The following TEAD1 variants were observed in gnomAD, a reference collection of about 807,000 sequenced individuals.
TEAD1 encodes TEA domain transcription factor 1, also known as transcriptional enhancer factor TEF-1.
In TEAD1, 9 loss-of-function variants were observed where a neutral mutation model predicts 54.9. That is an observed-to-expected ratio of 0.16 (90% CI 0.10 to 0.29). The LOEUF is 0.29. Ranked by LOEUF, TEAD1 falls within the 10% of genes least tolerant of loss-of-function variation. The pLI, the probability that TEAD1 is intolerant of heterozygous loss-of-function variation, is 1.00. For missense variants in TEAD1, 387 were observed against 535.9 expected (o/e 0.72, Z 2.74); for synonymous variants, 200 against 187.8 (o/e 1.07, Z -0.53).
At chr11:12,752,408 C>T (rs1185960782) in intron 2 of TEAD1, among the ~76,000 whole-genome samples, 1 of 152,124 alleles carries the variant, frequency 6.6e-6, no homozygotes, top group African/African-American at 2.4e-5. Context: ...TAAGCCTCCC[C>T]ACGCTGCCTT....
At chr11:12,700,656 T>G (rs986892737) in intron 2 of TEAD1, among the ~76,000 whole-genome samples, 1 of 152,208 alleles carries the variant, frequency 6.6e-6, no homozygotes, top group Admixed American at 6.5e-5. Flanking sequence ...TCTCATTTAT[T>G]TTCCCTCACC....
intron 3 of TEAD1, among the ~76,000 whole-genome samples, chr11:12,827,349 A>T (rs1415755284): frequency 6.6e-6 from 1 of 152,158 alleles, no homozygotes; most frequent in East Asian, 1.9e-4. Context: ...TGTGCCCAGC[A>T]TTTTCTGAGT....
rs376877078 is a variant in TEAD1 at position 12,924,875 on chromosome 11, G to T, written c.874-37G>T. The T allele has an allele frequency of 1.9e-6, 3 of 1,613,674 alleles. No homozygotes were observed. The African/African-American group carries it at 4.0e-5, about 22-fold the overall frequency. On this transcript the variant is annotated intron_variant, in intron 10 of 12. Transcript: ENST00000527636. The stretch of plus-strand genomic sequence containing the variant: ...TGCTCGGTGCCATGACTCCTGGGAT[G>T]AGAGAATAACCCACACCTCCATTTC...
At chr11:12,856,367 T>C (rs373346781) in intron 3 of TEAD1, among the ~76,000 whole-genome samples, 8 of 152,192 alleles carry the variant, frequency 5.3e-5, no homozygotes, top group African/African-American at 1.4e-4. Flanking sequence ...AAAATACAAG[T>C]TACCAGCAAA....
intron 3 of TEAD1, among the ~76,000 whole-genome samples, chr11:12,775,439 T>C (rs1945397494): frequency 6.6e-6 from 1 of 152,224 alleles, no homozygotes; most frequent in Non-Finnish European, 1.5e-5. Context: ...CCCCCACCTC[T>C]AGAGCTTCAG....
At chr11:12,834,700 G>A (rs1241343493) in intron 3 of TEAD1, among the ~76,000 whole-genome samples, 16 of 151,104 alleles carry the variant, frequency 1.1e-4, no homozygotes, top group Non-Finnish European at 2.1e-4. Flanking sequence ...GGGCTCCAGC[G>A]ATCATCCTGC....
At position 12,745,587 on chromosome 11, in the gene TEAD1, G is replaced by GTT. The variant is rs77963483; in HGVS notation, c.-54-18576_-54-18575dup. On this transcript the variant is annotated intron_variant, in intron 2 of 12. Coordinates refer to ENST00000527636, the MANE Select transcript of TEAD1 (RefSeq NM_021961.6). ...GCCTCTAAAATTGTCATTTTAAGGG[G>GTT]TTTTTTTTTTTTTTTTTGGACTGTT... Among the ~76,000 whole-genome samples the GTT allele has an allele frequency of 1.3e-3, 174 of 130,494 alleles. 1 individual carries two copies. Among genetic ancestry groups the GTT allele is most frequent in the African/African-American group, 3.9e-3 (136 of 35,210 alleles). The allele number at this position is 130,494 out of a possible 152,430, so 85.6% of individuals were successfully genotyped here.
chr11:12,795,909 G>T lies in TEAD1; in HGVS notation c.202+31475G>T, dbSNP rs946869332. Among the ~76,000 whole-genome samples the T allele has an allele frequency of 2.0e-5, 3 of 152,162 alleles. No homozygotes were observed. In the East Asian group the frequency reaches 5.8e-4, roughly 29 times the overall value. ...CACGCCATTGAATCAGATCTCTGAT[G>T]AGGCACTGACGTTTATATTTTTTAA... On this transcript the variant is annotated intron_variant, in intron 3 of 12. Coordinates refer to ENST00000527636, the MANE Select transcript of TEAD1 (RefSeq NM_021961.6).
At chr11:12,689,308 T>C (rs919445568) in intron 2 of TEAD1, among the ~76,000 whole-genome samples, 11 of 152,222 alleles carry the variant, frequency 7.2e-5, no homozygotes, top group African/African-American at 2.7e-4. Context: ...CCCAGCACTC[T>C]TGATAGTTGT....
At chr11:12,690,241 C>CAAAA (rs1173617315) in intron 2 of TEAD1, among the ~76,000 whole-genome samples, 12 of 81,616 alleles carry the variant, frequency 1.5e-4, no homozygotes, top group East Asian at 3.4e-4. Context: ...GACTCCGTCT[C>CAAAA]AAAAAAAAAA....
chr11:12,877,999 G>T (rs1002528712), intron 5 of TEAD1, among the ~76,000 whole-genome samples: 4 of 151,636 alleles, frequency 2.6e-5, no homozygotes, highest in African/African-American at 9.7e-5. Context: ...TGGAGACAGG[G>T]TCTCTCTATG....
At chr11:12,715,325 A>AGAACAGGCATCAGGGACG (rs1490503312) in intron 2 of TEAD1, among the ~76,000 whole-genome samples, 141 of 152,222 alleles carry the variant, frequency 9.3e-4, no homozygotes, top group African/African-American at 3.2e-3. Flanking sequence ...CATCAGGGAC[A>AGAACAGGCATCAGGGACG]GGAGATCCTT....
rs117054481 is a variant in TEAD1, at chr11:12,765,619, G to C, written c.202+1185G>C. 6.3e-4 allele frequency among the ~76,000 whole-genome samples: 96 copies of C among 152,236 alleles called. No homozygotes were observed. In the East Asian group the frequency reaches 0.017, roughly 27 times the overall value. On this transcript the variant is annotated intron_variant, in intron 3 of 12. Coordinates refer to ENST00000527636, the MANE Select transcript of TEAD1 (RefSeq NM_021961.6). ...GCAGATGGTGGTGCAGCTGCCACCA[G>C]CTGTGCCCCCACCCCGCCCTCCTCC... is the stretch of plus-strand genomic sequence containing the variant.
At chr11:12,878,904 A>C (rs1442543602) in intron 5 of TEAD1, 1 of 1,287,442 alleles carries the variant, frequency 7.8e-7, no homozygotes, top group East Asian at 5.6e-5. Context: ...AAGCATGGTA[A>C]GTATTTTCAC....
chr11:12,788,689 C>T (rs895183928), intron 3 of TEAD1, among the ~76,000 whole-genome samples: 7 of 152,192 alleles, frequency 4.6e-5, no homozygotes, highest in Admixed American at 3.3e-4. Flanking sequence ...TTTAAAGGGA[C>T]TGTCTTGTAC....
At chr11:12,869,252 G>A (rs1313171368) in intron 5 of TEAD1, among the ~76,000 whole-genome samples, 2 of 152,308 alleles carry the variant, frequency 1.3e-5, no homozygotes, top group South Asian at 2.1e-4. Context: ...CCAAGCTGGA[G>A]TCAGGGAGGC....
intron 2 of TEAD1, among the ~76,000 whole-genome samples, chr11:12,739,000 G>C (rs1944592008): frequency 6.6e-6 from 1 of 152,154 alleles, no homozygotes; most frequent in South Asian, 2.1e-4. Context: ...GCCTGACATA[G>C]GTATCCAGGA....
chr11:12,749,770 T>G (rs140804291), intron 2 of TEAD1, among the ~76,000 whole-genome samples: 2 of 152,322 alleles, frequency 1.3e-5, no homozygotes, highest in East Asian at 3.9e-4. Flanking sequence ...GTAATATTTG[T>G]TCATTTGAAT....
chr11:12,790,636 G>A (rs1425818381), intron 3 of TEAD1, among the ~76,000 whole-genome samples: 2 of 152,268 alleles, frequency 1.3e-5, no homozygotes, highest in Admixed American at 1.3e-4. Context: ...GACTTAAAAA[G>A]TTCATTTGTG....
Sources: allele counts gnomAD v4.1 joint callset (sites outside exome capture counted in the v4.1 genomes callset), GRCh38; gene constraint gnomAD v4.1.1; transcripts MANE v1.5; gene names NCBI Gene and HGNC (gene_info 2026-07-23, HGNC 2026-07-21).